Variants in ZMAT4 observed in about 807,000 individuals in gnomAD.
The protein encoded by ZMAT4 is zinc finger matrin-type protein 4.
ZMAT4 carries 17 observed loss-of-function variants against 28.7 expected under a neutral mutation model. That is an observed-to-expected ratio of 0.59 (90% CI 0.41 to 0.89). ZMAT4 has a LOEUF of 0.89. Ranked by LOEUF, ZMAT4 falls within the 40% of genes least tolerant of loss-of-function variation. The pLI is 0.00. For synonymous variants in ZMAT4, 117 were observed against 109.2 expected, an observed-to-expected ratio of 1.07 and a Z score of -0.44; for missense variants, 240 against 283.8, an observed-to-expected ratio of 0.85 and a Z score of 1.11.
chr8:40,810,410 G>T (rs1287454030), intron 2 of ZMAT4, among the ~76,000 whole-genome samples: 1 of 152,146 alleles, frequency 6.6e-6, no homozygotes, highest in African/African-American at 2.4e-5. Flanking sequence ...CAGAAGAAAA[G>T]GATCTGATTC....
At chr8:40,720,842 A>G (rs1811055467) in intron 3 of ZMAT4, among the ~76,000 whole-genome samples, 1 of 151,954 alleles carries the variant, frequency 6.6e-6, no homozygotes, top group Non-Finnish European at 1.5e-5. Context: ...ACTCTTTTAG[A>G]AGCCCTGTTT....
At position 40,648,741 on chromosome 8, in the gene ZMAT4, C is replaced by G. The variant is rs1807478749; in HGVS notation, c.577+25963G>C. On this transcript the variant is annotated intron_variant, in intron 5 of 6. Transcript: ENST00000297737. ...AGCAGATCTCTCGGCAGAAACCCTACAAGCCAGAAGAGAGTGGGGGCCAAT... is the reference window on the plus strand; with the variant it reads ...AGCAGATCTCTCGGCAGAAACCCTAGAAGCCAGAAGAGAGTGGGGGCCAAT... Among the ~76,000 whole-genome samples the G allele has an allele frequency of 7.0e-5, 6 of 86,240 alleles. No homozygotes were observed. The South Asian group carries it at 2.9e-3, about 41-fold the overall frequency. The allele number at this position is 86,240 out of a possible 152,430, so 56.6% of individuals were successfully genotyped here.
intron 4 of ZMAT4, among the ~76,000 whole-genome samples, chr8:40,689,897 G>A (rs924178394): frequency 6.6e-6 from 1 of 152,058 alleles, no homozygotes; most frequent in Non-Finnish European, 1.5e-5. Flanking sequence ...ATCATCAACT[G>A]TCTTATACCA....
intron 3 of ZMAT4, among the ~76,000 whole-genome samples, chr8:40,703,369 A>G (rs1810225708): frequency 6.6e-6 from 1 of 152,260 alleles, no homozygotes; most frequent in Admixed American, 6.5e-5. Flanking sequence ...TGGTATGTCC[A>G]TACAATGGCA....
intron 3 of ZMAT4, among the ~76,000 whole-genome samples, chr8:40,742,466 C>G (rs1386930370): frequency 6.6e-6 from 1 of 151,548 alleles, no homozygotes; most frequent in Non-Finnish European, 1.5e-5. Flanking sequence ...CCACTGTTAA[C>G]AGTGATGTGT....
At chr8:40,807,500 G>A (rs534812558) in intron 2 of ZMAT4, among the ~76,000 whole-genome samples, 6 of 152,204 alleles carry the variant, frequency 3.9e-5, no homozygotes, top group South Asian at 2.1e-4. Context: ...AAGTGGCTAT[G>A]GATGATCTAA....
chr8:40,818,687 G>T lies in ZMAT4; in HGVS notation c.102+6888C>A, dbSNP rs1349989467. Among the ~76,000 whole-genome samples, 6 of 152,174 alleles carry T rather than the reference G, an allele frequency of 3.9e-5. No homozygotes were observed. The East Asian group carries it at 1.2e-3, about 29-fold the overall frequency. ...TGAACACTTCACCTGCATTACCCAG[G>T]GTAGGTGTGGGCCTAGCAGGCCCCG... On this transcript the variant is annotated intron_variant, in intron 2 of 6. Transcript: ENST00000297737.
chr8:40,775,802 G>T (rs2150567901), intron 2 of ZMAT4, among the ~76,000 whole-genome samples: 1 of 152,330 alleles, frequency 6.6e-6, no homozygotes, highest in East Asian at 1.9e-4. Context: ...ACTGTATCTG[G>T]AAGCAGGGTC....
Position 40,557,476 on chromosome 8 carries a change from C to T in ZMAT4, c.674+23689G>A, listed in dbSNP as rs765344750. 2.0e-5 allele frequency among the ~76,000 whole-genome samples: 3 copies of T among 152,044 alleles called. No homozygotes were observed. In the East Asian group the frequency reaches 5.8e-4, roughly 29 times the overall value. ...TCCCTGAAGATATCATGCAAGTGTC[C>T]GTCTTAAACATATAAATCAGCCTTT... On this transcript the variant is annotated intron_variant, in intron 6 of 6. Coordinates refer to ENST00000297737, the MANE Select transcript of ZMAT4 (RefSeq NM_024645.3).
At chr8:40,675,116 T>A (rs1429432810) in intron 4 of ZMAT4, among the ~76,000 whole-genome samples, 185 bp from the exon 5 acceptor site, 1 of 152,148 alleles carries the variant, frequency 6.6e-6, no homozygotes, top group Non-Finnish European at 1.5e-5. Flanking sequence ...CAAATAAAAA[T>A]TCTTAATGTA....
chr8:40,769,545 A>G (rs1348175357), intron 2 of ZMAT4, among the ~76,000 whole-genome samples: 2 of 152,248 alleles, frequency 1.3e-5, no homozygotes, highest in Non-Finnish European at 2.9e-5. Context: ...AACCTGCAAG[A>G]TGCTGAATGT....
chr8:40,666,019 CTG>C (rs1298165146), intron 5 of ZMAT4, among the ~76,000 whole-genome samples: 2 of 152,100 alleles, frequency 1.3e-5, no homozygotes, highest in Admixed American at 6.5e-5. Flanking sequence ...AATAAAATAA[CTG>C]TGCATTTTTC....
At chr8:40,710,629 A>T (rs564891714) in intron 3 of ZMAT4, among the ~76,000 whole-genome samples, 2 of 152,220 alleles carry the variant, frequency 1.3e-5, no homozygotes, top group South Asian at 4.1e-4. Context: ...GGGAAAAAAA[A>T]AAAGACTAAT....
rs188296719 is a variant in ZMAT4 at position 40,646,853 on chromosome 8, C to T, written c.577+27851G>A. On this transcript the variant is annotated intron_variant, in intron 5 of 6. Coordinates refer to ENST00000297737, the MANE Select transcript of ZMAT4 (RefSeq NM_024645.3). ...GAACAACATGATAAACCAAGTAAAC[C>T]TTAGAGACATCTGTAGAACACTTCA... 2.3e-3 allele frequency among the ~76,000 whole-genome samples: 349 copies of T among 152,204 alleles called. 1 individual carries two copies. The highest frequency in any genetic ancestry group is 7.8e-3 in the African/African-American group (326 of 41,532).
At chr8:40,839,893 C>A (rs1816641370) in intron 1 of ZMAT4, among the ~76,000 whole-genome samples, 2 of 152,190 alleles carry the variant, frequency 1.3e-5, no homozygotes, top group South Asian at 4.1e-4. Flanking sequence ...GCATTCTATG[C>A]ATGTAACAAA....
intron 4 of ZMAT4, among the ~76,000 whole-genome samples, chr8:40,679,588 A>T (rs188256877): frequency 6.6e-6 from 1 of 152,266 alleles, no homozygotes; most frequent in African/African-American, 2.4e-5. Flanking sequence ...GAACTCACTC[A>T]CTATCACTAG....
At chr8:40,739,829 A>C (rs982237578) in intron 3 of ZMAT4, among the ~76,000 whole-genome samples, 1 of 151,996 alleles carries the variant, frequency 6.6e-6, no homozygotes, top group Non-Finnish European at 1.5e-5. Flanking sequence ...CCGGTGTATG[A>C]TATTCCCTCC....
chr8:40,708,017 C>G (rs2150504876), intron 3 of ZMAT4, among the ~76,000 whole-genome samples: 1 of 152,090 alleles, frequency 6.6e-6, no homozygotes, highest in African/African-American at 2.4e-5. Context: ...AAAAATAGAA[C>G]TAGAAAGGCA....
chr8:40,667,285 A>C (rs975557933), intron 5 of ZMAT4, among the ~76,000 whole-genome samples: 1 of 151,952 alleles, frequency 6.6e-6, no homozygotes, highest in African/African-American at 2.4e-5. Flanking sequence ...CCTCCCGAGT[A>C]GCTGGGACTA....
Sources: allele counts gnomAD v4.1 joint callset (sites outside exome capture counted in the v4.1 genomes callset), GRCh38; gene constraint gnomAD v4.1.1; transcripts MANE v1.5; gene names NCBI Gene and HGNC (gene_info 2026-07-23, HGNC 2026-07-21).